CCDC102A: variants seen among roughly 807,000 people sequenced by gnomAD.
The protein encoded by CCDC102A is coiled-coil domain containing 102A, also known as coiled-coil domain-containing protein 102A.
Under a neutral mutation model 55.5 loss-of-function variants are expected in CCDC102A, and 40 were observed. The observed-to-expected ratio is 0.72, with a 90% CI of 0.56 to 0.94. CCDC102A has a LOEUF of 0.94. CCDC102A is among the 40% of genes least tolerant of loss of function. The pLI is 0.00. For synonymous variants in CCDC102A, 323 were observed against 339.0 expected (o/e 0.95, Z 0.52); for missense variants, 779 against 768.6 (o/e 1.01, Z -0.16).
rs1367223071 is a variant in CCDC102A at position 57,512,260 on chromosome 16, C to T, written c.*481G>A. 2 of 396,686 alleles carry T rather than the reference C, an allele frequency of 5.0e-6. No homozygotes were observed. The highest frequency in any genetic ancestry group is 3.6e-5 in the East Asian group (1 of 28,022). The allele number at this position is 396,686 out of a possible 1,614,324, so 24.6% of individuals were successfully genotyped here. On this transcript the variant is annotated 3_prime_UTR_variant, in exon 9 of 9. Transcript: ENST00000258214. ...TCAGGTGCAGGCCGATGCCGTCCCC[C>T]ACAACCCCCGCCCACATCTGCCATA...
chr16:57,518,697 C>T lies in CCDC102A; in HGVS notation c.966G>A (p.Met322Ile), dbSNP rs1411770101. The T allele has an allele frequency of 1.9e-6, 3 of 1,612,950 alleles. 1 individual carries two copies. In the South Asian group the frequency reaches 3.3e-5, roughly 18 times the overall value. Residue 322 changes from methionine to isoleucine, a missense_variant, in exon 5 of 9, where the codon ATG (methionine) becomes ATA (isoleucine). Physicochemically the swap from Met to Ile is conservative, Grantham distance 10 (BLOSUM62 1). Coordinates refer to ENST00000258214, the MANE Select transcript of CCDC102A (RefSeq NM_033212.4). ...CGAGCTCATCTTCCAGGTCCTCAGA[C>T]ATGCGGCCCAGCTCGTCCTGGTGCG... ...KEAHQDELGR[M>I]SEDLEDELGA...
intron 4 of CCDC102A, among the ~76,000 whole-genome samples, chr16:57,519,390 G>A (rs1321829278): frequency 6.6e-6 from 1 of 152,238 alleles, no homozygotes; most frequent in African/African-American, 2.4e-5. Flanking sequence ...TAGCCTGGGA[G>A]GACGGGGAGC....
In CCDC102A at chr16:57,512,315, A is replaced by G. The variant is rs946785504; in HGVS notation, c.*426T>C. On this transcript the variant is annotated 3_prime_UTR_variant, in exon 9 of 9. Coordinates refer to ENST00000258214, the MANE Select transcript of CCDC102A (RefSeq NM_033212.4). The stretch of plus-strand genomic sequence containing the variant: ...CAGATGCCCCAAGAACTTGAACTTC[A>G]TTTATTACAAATAACTGGGTTCACT... The G allele has an allele frequency of 5.0e-6, 2 of 398,472 alleles. No individual in the cohort carries two copies. 24.7% of individuals were successfully genotyped at this position (398,472 alleles called of 1,614,324 possible). A position where few individuals can be genotyped will look rare whatever the true frequency, so the allele number is the denominator to read the frequency against.
chr16:57,533,113 G>T (rs1598081763), intron 1 of CCDC102A, among the ~76,000 whole-genome samples: 1 of 152,300 alleles, frequency 6.6e-6, no homozygotes, highest in East Asian at 1.9e-4. Context: ...CATGCTAAAG[G>T]CAGAGATGGG....
At chr16:57,520,543 T>A in intron 4 of CCDC102A, among the ~76,000 whole-genome samples, 1 of 102,380 alleles carries the variant, frequency 9.8e-6, no homozygotes, top group African/African-American at 4.0e-5. Context: ...AAAAATAACA[T>A]AACATAACAT....
chr16:57,516,104 C>T lies in CCDC102A; in HGVS notation c.1419+189G>A, dbSNP rs151285841. Among the ~76,000 whole-genome samples, 34 of 152,368 alleles carry T rather than the reference C, an allele frequency of 2.2e-4. No homozygotes were observed. In the East Asian group the frequency reaches 5.8e-3, roughly 26 times the overall value. On this transcript the variant is annotated intron_variant, in intron 7 of 8. Coordinates refer to ENST00000258214, the MANE Select transcript of CCDC102A (RefSeq NM_033212.4). The surrounding 1 kb of genome is among the most constrained non-coding windows in gnomAD (Gnocchi z 4.4). ...GTCTTCTGTTCATTTTTCTTCCCAT[C>T]TTCCCACCCACATGTCCATCCTGCC...
chr16:57,535,883 G>A (rs1232887596), intron 1 of CCDC102A, among the ~76,000 whole-genome samples: 1 of 152,102 alleles, frequency 6.6e-6, no homozygotes, highest in Non-Finnish European at 1.5e-5. Flanking sequence ...GAGCGGGGGT[G>A]GGAAGGTGGA....
chr16:57,524,526 G>A (rs116770694), intron 3 of CCDC102A, among the ~76,000 whole-genome samples: 2,767 of 152,142 alleles, frequency 0.018, 37 homozygotes, highest in Middle Eastern at 0.051. Flanking sequence ...ACAGTGAGTC[G>A]AGACTGTGCT....
chr16:57,518,780 AG>A, intron 4 of CCDC102A, 39 bp from the exon 5 acceptor site: 1 of 1,520,054 alleles, frequency 6.6e-7, no homozygotes, highest in African/African-American at 1.4e-5. Flanking sequence ...GAGAACCACC[AG>A]GATATAGCCT....
chr16:57,523,874 G>A (rs1359951367), intron 3 of CCDC102A, among the ~76,000 whole-genome samples: 1 of 152,192 alleles, frequency 6.6e-6, no homozygotes, highest in Non-Finnish European at 1.5e-5. Context: ...GAGGCGTGGA[G>A]TGTTCCACTC....
chr16:57,528,848 C>A lies in CCDC102A; in HGVS notation c.330G>T (p.Lys110Asn). 1 of 1,336,208 alleles carries A rather than the reference C, an allele frequency of 7.5e-7. No homozygotes were observed. Among genetic ancestry groups the A allele is most frequent in the Non-Finnish European group, 9.7e-7 (1 of 1,034,020 alleles). The allele number at this position is 1,336,208 out of a possible 1,614,324, so 82.8% of individuals were successfully genotyped here. ...CTANWREKWS[K>N]VRAERNRARE... Reference sequence around the variant, plus strand: ...GCGCGCGGTTGCGCTCAGCGCGCACCTTGCTCCATTTCTCGCGCCAATTGG... The same window carrying A: ...GCGCGCGGTTGCGCTCAGCGCGCACATTGCTCCATTTCTCGCGCCAATTGG... Residue 110 changes from lysine (K) to asparagine (N), a missense_variant, in exon 2 of 9, where the codon AAG (lysine) becomes AAT (asparagine). Lys to Asn is a moderately conservative substitution (Grantham distance 94). Coordinates refer to ENST00000258214, the MANE Select transcript of CCDC102A (RefSeq NM_033212.4).
chr16:57,519,368 C>A (rs528270641), intron 4 of CCDC102A, among the ~76,000 whole-genome samples: 3 of 152,364 alleles, frequency 2.0e-5, no homozygotes, highest in Non-Finnish European at 2.9e-5. Flanking sequence ...ATCCCACTCC[C>A]CACTGGAAAG....
In CCDC102A at chr16:57,512,534, G is replaced by A. The variant is rs1237779364; in HGVS notation, c.*207C>T. Reference sequence around the variant, plus strand: ...GGTGTGCGCGCGCGCGCGCGCGTGTGTGTATATATATATATAAAACATAGG... The same window carrying A: ...GGTGTGCGCGCGCGCGCGCGCGTGTATGTATATATATATATAAAACATAGG... On this transcript the variant is annotated 3_prime_UTR_variant, in exon 9 of 9. Transcript: ENST00000258214. The A allele has an allele frequency of 1.8e-5, 10 of 553,504 alleles. No homozygotes were observed. Among genetic ancestry groups the A allele is most frequent in the South Asian group, 3.2e-5 (1 of 31,584 alleles). 34.3% of individuals were successfully genotyped at this position (553,504 alleles called of 1,614,324 possible).
chr16:57,527,260 G>A (rs2032152698), intron 2 of CCDC102A, among the ~76,000 whole-genome samples: 1 of 152,154 alleles, frequency 6.6e-6, no homozygotes, highest in African/African-American at 2.4e-5. Flanking sequence ...CTGCCCCTAG[G>A]TGGCTTTCTG....
chr16:57,519,913 G>A (rs2032017024), intron 4 of CCDC102A, among the ~76,000 whole-genome samples: 1 of 152,220 alleles, frequency 6.6e-6, no homozygotes, highest in Admixed American at 6.5e-5. Flanking sequence ...CACCGATCCA[G>A]TGTGGCGTTC....
chr16:57,516,679 GGTGGAACCT>G lies in CCDC102A; in HGVS notation c.1249-225_1249-217del, dbSNP rs2031960956. 9 of 588,720 alleles carry G rather than the reference GGTGGAACCT, an allele frequency of 1.5e-5. No individual in the cohort carries two copies. The Admixed American group carries it at 2.7e-4, about 17-fold the overall frequency. 36.5% of individuals were successfully genotyped at this position (588,720 alleles called of 1,614,324 possible). A position where few individuals can be genotyped will look rare whatever the true frequency, so the allele number is the denominator to read the frequency against. Reference sequence around the variant, plus strand: ...TCCAGGGAGGTGAGAAGGCTGGGTGGGTGGAACCTGTGGCTCCGGTTTGGATGTGTAACT... The same window carrying G: ...TCCAGGGAGGTGAGAAGGCTGGGTGGGTGGCTCCGGTTTGGATGTGTAACT... On this transcript the variant is annotated intron_variant, in intron 6 of 8. Coordinates refer to ENST00000258214, the MANE Select transcript of CCDC102A (RefSeq NM_033212.4). This position sits in a 1 kb window ranked among gnomAD's most constrained non-coding sequence, Gnocchi z 4.4.
At chr16:57,518,344 C>T in intron 5 of CCDC102A, 67 bp from the exon 6 acceptor site, 1 of 1,463,538 alleles carries the variant, frequency 6.8e-7, no homozygotes, top group Non-Finnish European at 9.3e-7. Context: ...AGCTGGATGC[C>T]CCCGCCACCT....
At position 57,521,089 on chromosome 16, in the gene CCDC102A, G is replaced by C; in HGVS notation, c.900C>G (p.Thr300=). Reference sequence around the variant, plus strand: ...TCACCTGCTTGAGCATCTCCTGCTTGGTCTTGCTCAGCTCCTCATACTTGA... The same window carrying C: ...TCACCTGCTTGAGCATCTCCTGCTTCGTCTTGCTCAGCTCCTCATACTTGA... ...WKIKYEELSK[T]KQEMLKQLSI... is the part of the protein sequence containing the mutation. The change falls in exon 4 of 9, where the codon ACC becomes ACG. Residue 300 remains threonine, a synonymous_variant. Transcript: ENST00000258214. The C allele has an allele frequency of 6.2e-7, 1 of 1,613,340 alleles. No homozygotes were observed. The highest frequency in any genetic ancestry group is 1.6e-4 in the Middle Eastern group (1 of 6,062).
chr16:57,515,077 G>A (rs768397451), intron 8 of CCDC102A, among the ~76,000 whole-genome samples: 4 of 151,974 alleles, frequency 2.6e-5, no homozygotes, highest in East Asian at 1.9e-4. Flanking sequence ...TCTCCAGCCC[G>A]CCCTTCCTGC....
Sources: allele counts gnomAD v4.1 joint callset (sites outside exome capture counted in the v4.1 genomes callset), GRCh38; gene constraint gnomAD v4.1.1; non-coding constraint Gnocchi (gnomAD v3.1); transcripts MANE v1.5; gene names NCBI Gene and HGNC (gene_info 2026-07-23, HGNC 2026-07-21).